Variants in TRAF3IP2 observed in about 807,000 individuals in gnomAD.
TRAF3IP2 encodes the protein E3 ubiquitin ligase TRAF3IP2.
A neutral mutation model predicts 57.9 loss-of-function variants in TRAF3IP2; 35 were observed. That is an observed-to-expected ratio of 0.60 (90% CI 0.46 to 0.80). The LOEUF is 0.80. Among genes scored for constraint, TRAF3IP2 ranks in the 30% least tolerant of loss-of-function variants. The probability of loss-of-function intolerance (pLI) is 0.00; values close to 1 mark genes in which losing one functional copy is unlikely to be tolerated. For synonymous variants in TRAF3IP2, 251 were observed against 268.9 expected, an observed-to-expected ratio of 0.93 and a Z score of 0.65; for missense variants, 556 against 706.4, an observed-to-expected ratio of 0.79 and a Z score of 2.41.
chr6:111,600,991 G>A (rs1409819237), intron 1 of TRAF3IP2: 8 of 472,640 alleles, frequency 1.7e-5, no homozygotes, highest in Non-Finnish European at 2.3e-5. Flanking sequence ...GAGAAGGTAA[G>A]TAACTTTTCC....
intron 1 of TRAF3IP2, among the ~76,000 whole-genome samples, chr6:111,596,510 G>A (rs1490480700): frequency 6.6e-6 from 1 of 152,204 alleles, no homozygotes; most frequent in Non-Finnish European, 1.5e-5. Context: ...TTGGAGTGCA[G>A]TGGCACAATC....
intron 1 of TRAF3IP2, chr6:111,601,219 G>C: frequency 3.9e-6 from 3 of 779,148 alleles, no homozygotes; most frequent in Non-Finnish European, 7.2e-6. Context: ...AGGCATGGAA[G>C]CAGGCCACCT....
At position 111,580,235 on chromosome 6, in the gene TRAF3IP2, T is replaced by C. The variant is rs369210680; in HGVS notation, c.984A>G (p.Ala328=). Reference sequence around the variant, plus strand: ...GCCCCGGAAAGGAGCAGTCTCTCTGTGCGGGCCTCTCTTCGTGGTCCCAGG... The same window carrying C: ...GCCCCGGAAAGGAGCAGTCTCTCTGCGCGGGCCTCTCTTCGTGGTCCCAGG... ...PSPWDHEERP[A]QRDCSFPGLP... is the part of the protein sequence containing the mutation. Residue 328 remains alanine, a synonymous_variant, in exon 3 of 9, where the codon GCA becomes GCG. Transcript: ENST00000368761. The C allele has an allele frequency of 1.5e-5, 25 of 1,613,762 alleles. No individual in the cohort carries two copies. In the African/African-American group the frequency reaches 2.7e-4, roughly 17 times the overall value.
At chr6:111,600,595 G>T (rs549351995) in intron 1 of TRAF3IP2, 1 of 152,256 alleles carries the variant, frequency 6.6e-6, no homozygotes, top group African/African-American at 2.4e-5. Flanking sequence ...AGCCTTATGG[G>T]CCACATGCTG....
At chr6:111,594,859 T>A (rs751564315) in intron 1 of TRAF3IP2, among the ~76,000 whole-genome samples, 1 of 152,080 alleles carries the variant, frequency 6.6e-6, no homozygotes, top group Non-Finnish European at 1.5e-5. Context: ...CAGCCTGCAG[T>A]GAGCCGAGAT....
At chr6:111,580,027 C>G (rs1161714490) in intron 3 of TRAF3IP2, among the ~76,000 whole-genome samples, 170 bp downstream of exon 3, 2 of 152,052 alleles carry the variant, frequency 1.3e-5, no homozygotes, top group African/African-American at 4.8e-5. Context: ...CCTTGTCAAC[C>G]AGCTTCCGTT....
In TRAF3IP2 at chr6:111,571,069, CT is replaced by C. The variant is rs778721764; in HGVS notation, c.1290+1825del. Among the ~76,000 whole-genome samples the C allele has an allele frequency of 5.1e-4, 75 of 147,978 alleles. 1 individual carries two copies. In the East Asian group the frequency reaches 0.011, roughly 22 times the overall value. The stretch of plus-strand genomic sequence containing the variant: ...CTACAGGCGCACACCACCATGCCAA[CT>C]TTTTTTTCTTTTTTTTTTTTTTTGA... On this transcript the variant is annotated intron_variant, in intron 5 of 8. Transcript: ENST00000368761.
chr6:111,583,368 TAGGAA>T, intron 2 of TRAF3IP2, among the ~76,000 whole-genome samples: 1 of 152,316 alleles, frequency 6.6e-6, no homozygotes, highest in South Asian at 2.1e-4. Context: ...CATTGCCTGT[TAGGAA>T]CCAGGCCACA....
intron 1 of TRAF3IP2, among the ~76,000 whole-genome samples, chr6:111,602,550 A>G (rs921989855): frequency 1.3e-5 from 2 of 152,102 alleles, no homozygotes; most frequent in Non-Finnish European, 1.5e-5. Context: ...TTTGCCTTTT[A>G]TTGGTGTAGG....
intron 5 of TRAF3IP2, among the ~76,000 whole-genome samples, chr6:111,569,580 C>T (rs1583219959): frequency 1.3e-5 from 2 of 151,988 alleles, no homozygotes; most frequent in South Asian, 2.1e-4. Flanking sequence ...GGTGAAAACC[C>T]GTCTCTACTA....
At position 111,575,803 on chromosome 6, in the gene TRAF3IP2, C is replaced by G. The variant is rs1245342996; in HGVS notation, c.1041G>C (p.Gln347His). 1 of 1,609,780 alleles carries G rather than the reference C, an allele frequency of 6.2e-7. No individual in the cohort carries two copies. The highest frequency in any genetic ancestry group is 8.5e-7 in the Non-Finnish European group (1 of 1,178,630). Residue 347 changes from glutamine to histidine, a missense_variant, in exon 4 of 9, where the codon CAG becomes CAC. Gln to His is a conservative substitution (Grantham distance 24, BLOSUM62 0). This residue lies in a region of TRAF3IP2 where 428 missense variants were observed against 498.7 expected (regional missense o/e 0.86). Coordinates refer to ENST00000368761, the MANE Select transcript of TRAF3IP2 (RefSeq NM_147686.4). ...CAGGAGCACCAGCTCTATTAGGTGGCTGGTGATGTGGCTGGTCCCTAGAAA... is the reference window on the plus strand; with the variant it reads ...CAGGAGCACCAGCTCTATTAGGTGGGTGGTGATGTGGCTGGTCCCTAGAAA... ...LPRHQDQPHH[Q>H]PPNRAGAPGE...
chr6:111,587,790 G>A (rs1056854881), intron 2 of TRAF3IP2, among the ~76,000 whole-genome samples: 8 of 152,234 alleles, frequency 5.3e-5, no homozygotes, highest in African/African-American at 1.4e-4. Flanking sequence ...AGTGCAACAT[G>A]GGCCTAGTAG....
intron 4 of TRAF3IP2, among the ~76,000 whole-genome samples, chr6:111,575,210 G>A (rs192882988): frequency 6.6e-6 from 1 of 152,078 alleles, no homozygotes; most frequent in South Asian, 2.1e-4. Context: ...GGCAACAGGA[G>A]TGAGACCCTG....
chr6:111,574,015 A>G lies in TRAF3IP2; in HGVS notation c.1202-1032T>C, dbSNP rs1246959347. ...ATTTTCTTCTGAACACCTAACATTCACCCAATTGTTACGTATTTGAGGACT... is the reference window on the plus strand; with the variant it reads ...ATTTTCTTCTGAACACCTAACATTCGCCCAATTGTTACGTATTTGAGGACT... On this transcript the variant is annotated intron_variant, in intron 4 of 8. Coordinates refer to ENST00000368761, the MANE Select transcript of TRAF3IP2 (RefSeq NM_147686.4). 3 of 152,172 alleles carry G rather than the reference A, an allele frequency of 2.0e-5. No individual in the cohort carries two copies. In the East Asian group the frequency reaches 5.8e-4, roughly 29 times the overall value. 9.4% of individuals were successfully genotyped at this position (152,172 alleles called of 1,614,324 possible). A position where few individuals can be genotyped will look rare whatever the true frequency, so the allele number is the denominator to read the frequency against.
At chr6:111,588,021 T>C (rs1796392900) in intron 2 of TRAF3IP2, among the ~76,000 whole-genome samples, 2 of 152,340 alleles carry the variant, frequency 1.3e-5, no homozygotes, top group East Asian at 3.9e-4. Context: ...AATTGCCTTC[T>C]GGGAGATTGC....
chr6:111,557,104 GGAAA>G lies in TRAF3IP2; in HGVS notation c.*2297_*2300del, dbSNP rs1416020274. 2 of 152,142 alleles carry G rather than the reference GGAAA, an allele frequency of 1.3e-5. No individual in the cohort carries two copies. The highest frequency in any genetic ancestry group is 2.9e-5 in the Non-Finnish European group (2 of 68,188). The allele number at this position is 152,142 out of a possible 1,614,324, so 9.4% of individuals were successfully genotyped here. A position where few individuals can be genotyped will look rare whatever the true frequency, so the allele number is the denominator to read the frequency against. ...GACTGTGTCACTGTACTGCAGCCTG[GGAAA>G]GAGTGAGACCCTGTCTCAAAAAAAA... On this transcript the variant is annotated 3_prime_UTR_variant, in exon 9 of 9. Coordinates refer to ENST00000368761, the MANE Select transcript of TRAF3IP2 (RefSeq NM_147686.4).
rs1452571099 is a variant in TRAF3IP2 at position 111,557,236 on chromosome 6, T to C, written c.*2169A>G. The C allele has an allele frequency of 6.6e-6, 1 of 152,078 alleles. No individual in the cohort carries two copies. Among genetic ancestry groups the C allele is most frequent in the African/African-American group, 2.4e-5 (1 of 41,414 alleles). 9.4% of individuals were successfully genotyped at this position (152,078 alleles called of 1,614,324 possible). A position where few individuals can be genotyped will look rare whatever the true frequency, so the allele number is the denominator to read the frequency against. ...AGCAGTAGCTTGCAGCCCCAAAAAG[T>C]CTTCATTGTCTTAGTAGCTTGGGCC... On this transcript the variant is annotated 3_prime_UTR_variant, in exon 9 of 9. Transcript: ENST00000368761.
chr6:111,556,496 A>G lies in TRAF3IP2; in HGVS notation c.*2909T>C, dbSNP rs764423848. ...ACAAACGGGTGTCGAATCCTTAATG[A>G]TGGTGTCACCTCAGACTAAAAAAGA... On this transcript the variant is annotated 3_prime_UTR_variant, in exon 9 of 9. Coordinates refer to ENST00000368761, the MANE Select transcript of TRAF3IP2 (RefSeq NM_147686.4). The G allele has an allele frequency of 6.6e-6, 1 of 152,188 alleles. No homozygotes were observed. Among genetic ancestry groups the G allele is most frequent in the Non-Finnish European group, 1.5e-5 (1 of 68,040 alleles). The allele number at this position is 152,188 out of a possible 1,614,324, so 9.4% of individuals were successfully genotyped here. A position where few individuals can be genotyped will look rare whatever the true frequency, so the allele number is the denominator to read the frequency against.
chr6:111,604,655 C>T lies in TRAF3IP2; in HGVS notation c.-9+1121G>A, dbSNP rs538962817. 1.7e-3 allele frequency among the ~76,000 whole-genome samples: 264 copies of T among 152,318 alleles called. 2 individuals carry two copies. The highest frequency in any genetic ancestry group is 3.5e-3 in the South Asian group (17 of 4,828). ...GCCCTGACTGCTGCTTTACCTCTTG[C>T]CTTGAGAGCAGACGAGTGAAACAGA... On this transcript the variant is annotated intron_variant, in intron 1 of 8. Coordinates refer to ENST00000368761, the MANE Select transcript of TRAF3IP2 (RefSeq NM_147686.4).
Sources: gnomAD v4.1 joint callset for allele counts (sites outside exome capture counted in the v4.1 genomes callset) on GRCh38, gnomAD v4.1.1 for gene constraint, gnomAD v4.1.1 regional missense constraint, MANE v1.5 for transcripts, NCBI Gene and HGNC (gene_info 2026-07-23, HGNC 2026-07-21) for gene names.